The following MPPE1 variants were observed in gnomAD, a reference collection of about 807,000 sequenced individuals.
MPPE1 encodes the protein metallophosphoesterase 1.
In MPPE1, 28 loss-of-function variants were observed where a neutral mutation model predicts 43.8. The observed-to-expected ratio is 0.64, with a 90% CI of 0.47 to 0.88. The LOEUF is 0.88. Ranked by LOEUF, MPPE1 falls within the 40% of genes least tolerant of loss-of-function variation. The probability of loss-of-function intolerance (pLI) is 0.00; values close to 1 mark genes in which losing one functional copy is unlikely to be tolerated. For missense variants in MPPE1, 428 were observed against 492.2 expected, an observed-to-expected ratio of 0.87 and a Z score of 1.23; for synonymous variants, 159 against 188.5, an observed-to-expected ratio of 0.84 and a Z score of 1.28.
At chr18:11,893,663 T>C (rs566568525) in intron 3 of MPPE1, 87 bp from the exon 4 acceptor site, 1 of 1,060,522 alleles carries the variant, frequency 9.4e-7, no homozygotes, top group African/African-American at 1.6e-5. Flanking sequence ...AACAGCAAAC[T>C]AAATGGTTCC....
Position 11,886,413 on chromosome 18 carries a change from TCTAGC to T in MPPE1, c.867+81_867+85del. 1.3e-6 allele frequency: 2 copies of T among 1,594,810 alleles called. No individual in the cohort carries two copies. The highest frequency in any genetic ancestry group is 2.2e-5 in the South Asian group (2 of 90,520). ...CATGAACGTTTCAGCAAACACCTGC[TCTAGC>T]CTGGGCACTCTGCTTGTTGACATGC... is the stretch of plus-strand genomic sequence containing the variant. On this transcript the variant is annotated intron_variant, in intron 9 of 10. Transcript: ENST00000588072. The surrounding 1 kb of genome is among the most constrained non-coding windows in gnomAD (Gnocchi z 4.1).
At chr18:11,898,222 C>G (rs1464531769) in intron 2 of MPPE1, among the ~76,000 whole-genome samples, 1 of 149,850 alleles carries the variant, frequency 6.7e-6, no homozygotes, top group African/African-American at 2.5e-5. Context: ...GCACTCGTCA[C>G]CACGTCCAGC....
intron 3 of MPPE1, among the ~76,000 whole-genome samples, chr18:11,894,494 A>G (rs2038372837): frequency 6.6e-6 from 1 of 151,378 alleles, no homozygotes; most frequent in Non-Finnish European, 1.5e-5. Flanking sequence ...ATGGCTTAAC[A>G]TCCCAGCTCA....
Position 11,887,012 on chromosome 18 carries a change from T to C in MPPE1, c.583A>G (p.Asn195Asp), listed in dbSNP as rs1222380504. 10 of 1,612,466 alleles carry C rather than the reference T, an allele frequency of 6.2e-6. No homozygotes were observed. The South Asian group carries it at 8.8e-5, about 14-fold the overall frequency. The change falls in exon 7 of 11, where the codon AAC becomes GAC. Residue 195 changes from asparagine (N) to aspartate (D), a missense_variant. Asn to Asp is a conservative substitution (Grantham distance 23, BLOSUM62 1). This residue lies in a region of MPPE1 where 379 missense variants were observed against 402.5 expected (regional missense o/e 0.94). Transcript: ENST00000588072. ...SWKGINFVMV[N>D]SVALNGDGCG... Reference sequence around the variant, plus strand: ...CCATCCCCGTTCAGCGCCACGCTGTTGACCATCACAAAGCTGAAGCGGAGG... The same window carrying C: ...CCATCCCCGTTCAGCGCCACGCTGTCGACCATCACAAAGCTGAAGCGGAGG...
intron 2 of MPPE1, chr18:11,902,723 T>C (rs672147): frequency 6.6e-6 from 1 of 152,070 alleles, no homozygotes; most frequent in Admixed American, 6.6e-5. Flanking sequence ...AGAGTGAGCC[T>C]TGTTTGAGCA....
In MPPE1 at chr18:11,897,045, A is replaced by C. The variant is rs1464353278; in HGVS notation, c.220T>G (p.Phe74Val). The C allele has an allele frequency of 6.5e-7, 1 of 1,538,796 alleles. No homozygotes were observed. The highest frequency in any genetic ancestry group is 1.4e-5 in the African/African-American group (1 of 72,058). The change falls in exon 3 of 11, where the codon TTT becomes GTT. Residue 74 changes from phenylalanine to valine, a missense_variant. Physicochemically the swap from Phe to Val is conservative, Grantham distance 50. This residue lies in a region of MPPE1 where 1 missense variants were observed against 16.2 expected (regional missense o/e 0.06). Transcript: ENST00000588072. ...TTREPVLKAM[F>V]LADTHLLGEF... ...CCAAGCAAATGGGTGTCAGCCAAAA[A>C]CATGGCTTTGAGCACAGGCTCACGT...
intron 3 of MPPE1, among the ~76,000 whole-genome samples, chr18:11,894,328 T>C (rs1598538442): frequency 6.6e-6 from 1 of 150,604 alleles, no homozygotes; most frequent in South Asian, 2.1e-4. Context: ...CTTGGGAGGC[T>C]GAGGCAGGAG....
At chr18:11,885,057 T>A (rs753876230) in intron 10 of MPPE1, 2 of 1,291,048 alleles carry the variant, frequency 1.5e-6, no homozygotes. Flanking sequence ...GAAATACATG[T>A]GTCCAGGTCG....
rs564113544 is a variant in MPPE1 at position 11,886,544 on chromosome 18, T to C, written c.822A>G (p.Pro274=). Residue 274 remains proline (P), a synonymous_variant, in exon 9 of 11, where the codon CCA becomes CCG. Transcript: ENST00000588072. This position sits in a 1 kb window ranked among gnomAD's most constrained non-coding sequence, Gnocchi z 4.1. ...AAAGCACGTCATAGTTCTCCTTAAA[T>C]GGGATGTCCCTTTCCTCTGCAGGAG... is the stretch of plus-strand genomic sequence containing the variant. ...DAAPAEERDI[P]FKENYDVLSR... is the part of the protein sequence containing the mutation. The C allele has an allele frequency of 2.5e-6, 4 of 1,614,196 alleles. No individual in the cohort carries two copies. The African/African-American group carries it at 5.3e-5, about 22-fold the overall frequency.
chr18:11,885,839 C>CA (rs1567924451), intron 9 of MPPE1, 23 bp from the exon 10 acceptor site: 5 of 1,589,028 alleles, frequency 3.1e-6, no homozygotes. Context: ...GAGAAGACAG[C>CA]AAAGCAGGCT....
intron 3 of MPPE1, among the ~76,000 whole-genome samples, 166 bp downstream of exon 3, chr18:11,896,818 T>C (rs2038662392): frequency 6.6e-6 from 1 of 152,186 alleles, no homozygotes. Flanking sequence ...CCTGTATATA[T>C]CCTCAGTAAA....
chr18:11,893,820 G>T (rs895724884), intron 3 of MPPE1, among the ~76,000 whole-genome samples: 2 of 152,118 alleles, frequency 1.3e-5, no homozygotes, highest in African/African-American at 4.8e-5. Flanking sequence ...GTGGTGTGCA[G>T]GAACAGGCCC....
chr18:11,893,019 A>T (rs2038174246), intron 4 of MPPE1: 1 of 155,298 alleles, frequency 6.4e-6, no homozygotes, highest in Non-Finnish European at 1.4e-5. Context: ...GAAAAAAGAA[A>T]ATCAGAGGAG....
At chr18:11,901,415 G>T (rs1430065659) in intron 2 of MPPE1, among the ~76,000 whole-genome samples, 2 of 151,848 alleles carry the variant, frequency 1.3e-5, no homozygotes, top group Non-Finnish European at 2.9e-5. Context: ...ATTATTAGTA[G>T]AGATGGAGTT....
chr18:11,897,818 C>T (rs534368956), intron 2 of MPPE1, among the ~76,000 whole-genome samples: 1 of 152,294 alleles, frequency 6.6e-6, no homozygotes, highest in East Asian at 1.9e-4. Flanking sequence ...TTCTACTCTG[C>T]TTTTCCACAA....
intron 3 of MPPE1, among the ~76,000 whole-genome samples, chr18:11,896,444 T>A (rs143281371): frequency 6.6e-6 from 1 of 152,074 alleles, no homozygotes; most frequent in South Asian, 2.1e-4. Context: ...AAAAAAACAA[T>A]GGACCATGCA....
At chr18:11,900,717 C>T (rs565890069) in intron 2 of MPPE1, among the ~76,000 whole-genome samples, 173 of 151,868 alleles carry the variant, frequency 1.1e-3, no homozygotes, top group African/African-American at 3.5e-3. Context: ...ACCATCCTGG[C>T]TAACACGGTG....
chr18:11,886,419 C>G lies in MPPE1; in HGVS notation c.867+80G>C. The G allele has an allele frequency of 6.2e-7, 1 of 1,602,346 alleles. No individual in the cohort carries two copies. The highest frequency in any genetic ancestry group is 2.2e-5 in the East Asian group (1 of 44,838). Reference sequence around the variant, plus strand: ...CGTTTCAGCAAACACCTGCTCTAGCCTGGGCACTCTGCTTGTTGACATGCA... The same window carrying G: ...CGTTTCAGCAAACACCTGCTCTAGCGTGGGCACTCTGCTTGTTGACATGCA... On this transcript the variant is annotated intron_variant, in intron 9 of 10. Coordinates refer to ENST00000588072, the MANE Select transcript of MPPE1 (RefSeq NM_023075.6). The surrounding 1 kb of genome is among the most constrained non-coding windows in gnomAD (Gnocchi z 4.1).
Position 11,886,262 on chromosome 18 carries a change from C to G in MPPE1, c.867+237G>C. ...CTCTGAATACAAAGAATAGCTGAGA[C>G]TATTACTGACTTGAGGGTAGGAAAC... is the stretch of plus-strand genomic sequence containing the variant. On this transcript the variant is annotated intron_variant, in intron 9 of 10. Transcript: ENST00000588072. This position sits in a 1 kb window ranked among gnomAD's most constrained non-coding sequence, Gnocchi z 4.1. The G allele has an allele frequency of 1.8e-6, 1 of 545,828 alleles. No individual in the cohort carries two copies. The highest frequency in any genetic ancestry group is 3.6e-5 in the Admixed American group (1 of 27,976). 33.8% of individuals were successfully genotyped at this position (545,828 alleles called of 1,614,324 possible).
Sources: gnomAD v4.1 joint callset for allele counts (sites outside exome capture counted in the v4.1 genomes callset) on GRCh38, gnomAD v4.1.1 for gene constraint, gnomAD v4.1.1 regional missense constraint, Gnocchi (gnomAD v3.1) non-coding constraint, MANE v1.5 for transcripts, NCBI Gene and HGNC (gene_info 2026-07-23, HGNC 2026-07-21) for gene names.